CUX1: variants seen among roughly 807,000 people sequenced by gnomAD.
The protein encoded by CUX1 is protein CASP.
In CUX1, 31 loss-of-function variants were observed where a neutral mutation model predicts 158.8. The observed-to-expected ratio is 0.20, with a 90% CI of 0.15 to 0.26. CUX1 has a LOEUF of 0.26. CUX1 is among the 10% of genes least tolerant of loss of function. The pLI is 1.00. For synonymous variants in CUX1, 879 were observed against 862.1 expected (o/e 1.02, Z -0.34); for missense variants, 1,589 against 2,014.6 (o/e 0.79, Z 4.04).
intron 12 of CUX1, 59 bp from the exon 13 acceptor site, chr7:102,193,783 C>T: frequency 1.3e-6 from 2 of 1,556,212 alleles, no homozygotes; most frequent in Non-Finnish European, 1.7e-6. Flanking sequence ...GCCTGGGTGA[C>T]AGAACGAGAC....
intron 22 of CUX1, among the ~76,000 whole-genome samples, chr7:102,238,279 C>G (rs1337851112): frequency 2.6e-5 from 4 of 152,270 alleles, no homozygotes; most frequent in African/African-American, 9.6e-5. Flanking sequence ...GAGGCTACCG[C>G]TAGACCACGG....
At chr7:102,241,331 C>T (rs149953190) in intron 23 of CUX1, among the ~76,000 whole-genome samples, 104 of 152,238 alleles carry the variant, frequency 6.8e-4, no homozygotes, top group Middle Eastern at 3.4e-3. Flanking sequence ...GATGGAGATC[C>T]CTAAGCTAGT....
At chr7:101,949,218 A>G (rs1437576952) in intron 2 of CUX1, among the ~76,000 whole-genome samples, 1 of 151,250 alleles carries the variant, frequency 6.6e-6, no homozygotes, top group Non-Finnish European at 1.5e-5. Context: ...TGCAAGCTCC[A>G]CCTCCTGGGT....
chr7:102,221,826 G>A (rs1206322581), intron 20 of CUX1, among the ~76,000 whole-genome samples: 2 of 151,882 alleles, frequency 1.3e-5, no homozygotes, highest in African/African-American at 4.8e-5. Flanking sequence ...TGGATGGATG[G>A]TACTGTGCAG....
At chr7:102,096,649 T>C (rs1382337517) in intron 4 of CUX1, among the ~76,000 whole-genome samples, 1 of 152,152 alleles carries the variant, frequency 6.6e-6, no homozygotes, top group African/African-American at 2.4e-5. Context: ...GAGGCTGCAG[T>C]GAGCCATGAT....
chr7:102,254,558 G>C lies in CUX1; in HGVS notation c.*5516G>C. 1 of 985,482 alleles carries C rather than the reference G, an allele frequency of 1.0e-6. No homozygotes were observed. The highest frequency in any genetic ancestry group is 1.2e-6 in the Non-Finnish European group (1 of 829,980). The allele number at this position is 985,482 out of a possible 1,614,324, so 61.0% of individuals were successfully genotyped here. A position where few individuals can be genotyped will look rare whatever the true frequency, so the allele number is the denominator to read the frequency against. On this transcript the variant is annotated 3_prime_UTR_variant, in exon 24 of 24. Coordinates refer to ENST00000292535, the MANE Select transcript of CUX1 (RefSeq NM_181552.4). ...GGTTGGAGGTGGGTCTGTCCACTGT[G>C]GGGGCCAAAGTGTTCCCCTGCTGGA... is the stretch of plus-strand genomic sequence containing the variant.
chr7:102,231,755 C>T (rs1260963542), intron 21 of CUX1, among the ~76,000 whole-genome samples: 2 of 150,366 alleles, frequency 1.3e-5, no homozygotes. Context: ...GCTCTGTCAC[C>T]CAGGCTGGAG....
intron 23 of CUX1, among the ~76,000 whole-genome samples, chr7:102,243,677 T>TAAA (rs200091734): frequency 0.013 from 1,778 of 138,944 alleles, 15 homozygotes; most frequent in African/African-American, 0.027. Context: ...ATAATAATAA[T>TAAA]AAAATAAATG....
intron 2 of CUX1, among the ~76,000 whole-genome samples, chr7:101,975,046 G>A (rs759394017): frequency 7.9e-5 from 12 of 152,118 alleles, no homozygotes; most frequent in Non-Finnish European, 1.5e-4. Context: ...TCAGGGGTTC[G>A]AGACCAGCCT....
intron 22 of CUX1, among the ~76,000 whole-genome samples, chr7:102,237,658 G>GC (rs1403732281): frequency 6.6e-6 from 1 of 152,140 alleles, no homozygotes; most frequent in African/African-American, 2.4e-5. Context: ...GTAGGGACCA[G>GC]CCCCACAGGG....
chr7:101,996,825 C>T (rs985224488), intron 2 of CUX1, among the ~76,000 whole-genome samples: 1 of 151,984 alleles, frequency 6.6e-6, no homozygotes, highest in African/African-American at 2.4e-5. Flanking sequence ...GTTGTTTTCT[C>T]TTGCTCCTCT....
At chr7:101,989,489 C>T (rs1383640837) in intron 2 of CUX1, among the ~76,000 whole-genome samples, 1 of 152,308 alleles carries the variant, frequency 6.6e-6, no homozygotes, top group African/African-American at 2.4e-5. Flanking sequence ...TGGAAGGTCC[C>T]GGAGCCCAAA....
chr7:102,111,578 C>A, intron 6 of CUX1, 120 bp from the exon 7 acceptor site: 3 of 853,790 alleles, frequency 3.5e-6, no homozygotes, highest in South Asian at 3.0e-5. Context: ...CGGGCGATAC[C>A]CCGTGGTGCG....
chr7:102,077,528 TAAAAAAAAAAA>T (rs35999980), intron 4 of CUX1, among the ~76,000 whole-genome samples: 1 of 113,958 alleles, frequency 8.8e-6, no homozygotes, highest in Non-Finnish European at 1.7e-5. Context: ...CCCATCTCTT[TAAAAAAAAAAA>T]AAAAAAAAAA....
At chr7:102,066,489 G>A (rs1825561960) in intron 3 of CUX1, among the ~76,000 whole-genome samples, 1 of 152,124 alleles carries the variant, frequency 6.6e-6, no homozygotes, top group African/African-American at 2.4e-5. Flanking sequence ...ACATCCTGGG[G>A]AATAACCCAA....
intron 2 of CUX1, among the ~76,000 whole-genome samples, chr7:101,958,668 C>T (rs1357697281): frequency 1.3e-5 from 2 of 150,762 alleles, no homozygotes; most frequent in Non-Finnish European, 3.0e-5. Flanking sequence ...TCAGTAGAGA[C>T]GGGGTTTCAC....
rs1295155961 is a variant in CUX1 at position 101,869,701 on chromosome 7, C to T, written c.31-46414C>T. 2.6e-5 allele frequency among the ~76,000 whole-genome samples: 4 copies of T among 152,080 alleles called. No homozygotes were observed. Among genetic ancestry groups the T allele is most frequent in the South Asian group, 2.1e-4 (1 of 4,830 alleles). On this transcript the variant is annotated intron_variant, in intron 1 of 23. Coordinates refer to ENST00000292535, the MANE Select transcript of CUX1 (RefSeq NM_181552.4). The surrounding 1 kb of genome is among the most constrained non-coding windows in gnomAD (Gnocchi z 4.5). Reference sequence around the variant, plus strand: ...ACACCATGGAAGACGGCAGGACACACGTGCGAGCCACAGCAGGTGGGCGGG... The same window carrying T: ...ACACCATGGAAGACGGCAGGACACATGTGCGAGCCACAGCAGGTGGGCGGG...
At chr7:101,934,866 G>C (rs1563029447) in intron 2 of CUX1, among the ~76,000 whole-genome samples, 1 of 152,014 alleles carries the variant, frequency 6.6e-6, no homozygotes, top group African/African-American at 2.4e-5. Context: ...TTTCAAGTCT[G>C]TTCTGGCCAA....
At chr7:101,887,298 A>G (rs1800327074) in intron 1 of CUX1, among the ~76,000 whole-genome samples, 1 of 151,464 alleles carries the variant, frequency 6.6e-6, no homozygotes, top group Admixed American at 6.6e-5. Flanking sequence ...TTTTCTTTTG[A>G]AACTTTTTTT....
Sources: gnomAD v4.1 joint callset for allele counts (sites outside exome capture counted in the v4.1 genomes callset) on GRCh38, gnomAD v4.1.1 for gene constraint, Gnocchi (gnomAD v3.1) non-coding constraint, MANE v1.5 for transcripts, NCBI Gene and HGNC (gene_info 2026-07-23, HGNC 2026-07-21) for gene names.